SUMF1: variants seen among roughly 807,000 people sequenced by gnomAD.
The protein encoded by SUMF1 is formylglycine-generating enzyme.
In SUMF1, 48 loss-of-function variants were observed where a neutral mutation model predicts 47.6. The ratio of observed to expected loss-of-function variants is 1.01; its 90% CI spans 0.80 to 1.28. The LOEUF (loss-of-function observed/expected upper bound fraction) is 1.28, where lower values mean the gene tolerates loss of function less well. Ranked by LOEUF, SUMF1 falls within the 50% of genes most tolerant of loss-of-function variation. The pLI is 0.00. For missense variants in SUMF1, 571 were observed against 485.4 expected, an observed-to-expected ratio of 1.18 and a Z score of -1.66; for synonymous variants, 230 against 192.1, an observed-to-expected ratio of 1.20 and a Z score of -1.63.
At chr3:4,055,238 A>G (rs1259157048) in intron 9 of SUMF1, among the ~76,000 whole-genome samples, 1 of 152,186 alleles carries the variant, frequency 6.6e-6, no homozygotes, top group African/African-American at 2.4e-5. Flanking sequence ...TGAAAAGGAA[A>G]AAAGCAGATT....
At chr3:4,320,616 G>A in intron 8 of SUMF1, among the ~76,000 whole-genome samples, 1 of 152,148 alleles carries the variant, frequency 6.6e-6, no homozygotes, top group Non-Finnish European at 1.5e-5. Context: ...AACAAAGATT[G>A]TCTTATGTAA....
At chr3:4,141,824 C>T (rs1694077453) in intron 8 of SUMF1, among the ~76,000 whole-genome samples, 1 of 152,096 alleles carries the variant, frequency 6.6e-6, no homozygotes, top group African/African-American at 2.4e-5. Context: ...CCATAGGGAA[C>T]TTTTGAAACT....
At chr3:4,380,092 G>A (rs756190022) in intron 7 of SUMF1, among the ~76,000 whole-genome samples, 8 of 152,268 alleles carry the variant, frequency 5.3e-5, no homozygotes, top group East Asian at 1.9e-4. Flanking sequence ...CAGGAAGAGC[G>A]GCTGCAGGGC....
intron 8 of SUMF1, among the ~76,000 whole-genome samples, chr3:4,252,373 CACACA>C (rs1696823091): frequency 2.1e-5 from 3 of 142,508 alleles, no homozygotes; most frequent in African/African-American, 7.5e-5. Flanking sequence ...CACACACACA[CACACA>C]CCCCACTGGC....
intron 8 of SUMF1, among the ~76,000 whole-genome samples, chr3:4,151,362 T>G (rs908908878): frequency 2.0e-5 from 3 of 147,010 alleles, no homozygotes; most frequent in African/African-American, 7.6e-5. Context: ...ATACACAATA[T>G]ATATATATAC....
chr3:4,296,825 C>G (rs527927885), intron 8 of SUMF1, among the ~76,000 whole-genome samples: 1 of 152,260 alleles, frequency 6.6e-6, no homozygotes, highest in East Asian at 1.9e-4. Context: ...CAGTACCTTT[C>G]CTGGCTAAAA....
intron 8 of SUMF1, among the ~76,000 whole-genome samples, chr3:4,252,365 C>CAT (rs1696822381): frequency 7.2e-6 from 1 of 139,494 alleles, no homozygotes; most frequent in Non-Finnish European, 1.7e-5. Flanking sequence ...CACACACACA[C>CAT]ACACACACAC....
At chr3:4,371,249 A>G (rs1409437984) in intron 8 of SUMF1, among the ~76,000 whole-genome samples, 16 of 152,100 alleles carry the variant, frequency 1.1e-4, no homozygotes, top group Non-Finnish European at 1.9e-4. Context: ...GGGTCATTCT[A>G]TTAATTAAGA....
chr3:4,364,567 G>C (rs1699883554), intron 8 of SUMF1, among the ~76,000 whole-genome samples: 1 of 151,204 alleles, frequency 6.6e-6, no homozygotes. Context: ...GATCGGTGGT[G>C]ATATCCCCTT....
chr3:4,194,984 T>G (rs1016246516), intron 8 of SUMF1, among the ~76,000 whole-genome samples: 1 of 152,162 alleles, frequency 6.6e-6, no homozygotes, highest in Non-Finnish European at 1.5e-5. Flanking sequence ...ATTTAGGTTT[T>G]GAAGTCACTT....
intron 8 of SUMF1, among the ~76,000 whole-genome samples, chr3:4,141,814 C>A (rs1460835427): frequency 1.3e-5 from 2 of 152,102 alleles, no homozygotes; most frequent in African/African-American, 4.8e-5. Context: ...CTGGGGCAAT[C>A]CATAGGGAAC....
At chr3:4,055,103 C>A (rs1410862556) in intron 9 of SUMF1, among the ~76,000 whole-genome samples, 1 of 152,136 alleles carries the variant, frequency 6.6e-6, no homozygotes, top group African/African-American at 2.4e-5. Flanking sequence ...AGTGCGTTTT[C>A]TTCATGCAGT....
At chr3:4,076,847 A>G (rs940265490) in intron 8 of SUMF1, among the ~76,000 whole-genome samples, 3 of 151,944 alleles carry the variant, frequency 2.0e-5, no homozygotes. Flanking sequence ...AACTTAGAAT[A>G]CAAAAAATTA....
At chr3:4,194,506 T>C (rs1281110598) in intron 8 of SUMF1, among the ~76,000 whole-genome samples, 1 of 152,144 alleles carries the variant, frequency 6.6e-6, no homozygotes, top group African/African-American at 2.4e-5. Flanking sequence ...GTCTGCCACA[T>C]AGAGATGGGC....
chr3:4,321,647 C>G (rs902581900), intron 8 of SUMF1, among the ~76,000 whole-genome samples: 3 of 152,008 alleles, frequency 2.0e-5, no homozygotes, highest in Admixed American at 6.6e-5. Context: ...TGAGTCCATA[C>G]TGATATAAAT....
intron 3 of SUMF1, among the ~76,000 whole-genome samples, chr3:4,443,289 T>A (rs1157050696): frequency 4.0e-5 from 6 of 150,982 alleles, no homozygotes; most frequent in Admixed American, 6.6e-5. Context: ...AAAATAAAAA[T>A]TTAAAAAATG....
chr3:4,281,375 G>T (rs1012785640), intron 8 of SUMF1, among the ~76,000 whole-genome samples: 7 of 152,132 alleles, frequency 4.6e-5, no homozygotes, highest in African/African-American at 1.7e-4. Flanking sequence ...CAGAGAAAAG[G>T]AAAGAGTAAC....
At chr3:4,303,400 G>A (rs1470686320) in intron 8 of SUMF1, 3 of 1,558,962 alleles carry the variant, frequency 1.9e-6, no homozygotes, top group South Asian at 2.4e-5. Context: ...AGACGACACG[G>A]CCTTGTGGGA....
At position 4,165,981 on chromosome 3, in the gene SUMF1, G is replaced by C. The variant is rs371860319; in HGVS notation, c.1015-97236C>G. Among the ~76,000 whole-genome samples, 109 of 151,494 alleles carry C rather than the reference G, an allele frequency of 7.2e-4. No individual in the cohort carries two copies. The South Asian group carries it at 0.021, about 30-fold the overall frequency. On this transcript the variant is annotated intron_variant and NMD_transcript_variant, in intron 8 of 12. Transcript: ENST00000448413. ...GCCCAAGAACCCATAACAGTCCCTGGACCCTGCTGATCAGAATAGTTGAGC... is the reference window on the plus strand; with the variant it reads ...GCCCAAGAACCCATAACAGTCCCTGCACCCTGCTGATCAGAATAGTTGAGC...
Sources: allele counts gnomAD v4.1 joint callset (sites outside exome capture counted in the v4.1 genomes callset), GRCh38; gene constraint gnomAD v4.1.1; transcripts MANE v1.5; gene names NCBI Gene and HGNC (gene_info 2026-07-23, HGNC 2026-07-21).